The following OVGP1 variants were observed in gnomAD, a reference collection of about 807,000 sequenced individuals.
OVGP1 encodes oviductal glycoprotein 1, also known as oviduct-specific glycoprotein.
A neutral mutation model predicts 48.2 loss-of-function variants in OVGP1; 26 were observed. That is an observed-to-expected ratio of 0.54 (90% CI 0.40 to 0.75). OVGP1 has a LOEUF of 0.75. Among genes scored for constraint, OVGP1 ranks in the 30% least tolerant of loss-of-function variants. The pLI, the probability that OVGP1 is intolerant of heterozygous loss-of-function variation, is 0.00. For synonymous variants in OVGP1, 294 were observed against 305.7 expected (o/e 0.96, Z 0.40); for missense variants, 791 against 820.6 (o/e 0.96, Z 0.44).
chr1:111,416,469 A>G lies in OVGP1; in HGVS notation c.1021-11T>C. The G allele has an allele frequency of 1.3e-6, 2 of 1,599,144 alleles. No individual in the cohort carries two copies. The highest frequency in any genetic ancestry group is 2.3e-5 in the South Asian group (2 of 87,294). The stretch of plus-strand genomic sequence containing the variant: ...CCTTATAAACCATGCCTGTAAAAGT[A>G]ACAGTCAGTCAACCTGCTGTACTTG... On this transcript the variant is annotated splice_polypyrimidine_tract_variant and intron_variant, in intron 9 of 10. Coordinates refer to ENST00000369732, the MANE Select transcript of OVGP1 (RefSeq NM_002557.4).
intron 3 of OVGP1, among the ~76,000 whole-genome samples, chr1:111,425,738 GT>G (rs1264179730): frequency 1.3e-5 from 2 of 152,184 alleles, no homozygotes; most frequent in Non-Finnish European, 2.9e-5. Flanking sequence ...AGTCTAAAAT[GT>G]TTCTCTTTTT....
chr1:111,419,222 TC>T (rs1652203740), intron 9 of OVGP1, among the ~76,000 whole-genome samples: 1 of 152,182 alleles, frequency 6.6e-6, no homozygotes, highest in African/African-American at 2.4e-5. Flanking sequence ...CAGGAAGCCC[TC>T]CCAGACTTCC....
rs1652212416 is a variant in OVGP1 at position 111,419,637 on chromosome 1, A to C, written c.993T>G (p.Tyr331Ter). ...TGTAACTGAAGCTGATGGCATTGTC[A>C]TAGCCAACCCACTCTTTCCCCTTGT... ...YANKGKEWVGYDNAISFSYKA... is the reference protein window; with the variant it reads ...YANKGKEWVG Residue 331 changes from tyrosine (Y) to a stop codon, truncating the protein, a stop_gained, in exon 9 of 11, where the codon TAT (tyrosine) becomes TAG (stop). Transcript: ENST00000369732. LOFTEE classifies it high-confidence loss of function. The C allele has an allele frequency of 6.2e-7, 1 of 1,610,714 alleles. No individual in the cohort carries two copies. Among genetic ancestry groups the C allele is most frequent in the Non-Finnish European group, 8.5e-7 (1 of 1,177,030 alleles).
chr1:111,424,855 T>C (rs3767604), intron 4 of OVGP1, among the ~76,000 whole-genome samples: 6,656 of 152,368 alleles, frequency 0.044, 262 homozygotes, highest in East Asian at 0.18. Context: ...TCAGAAAATA[T>C]GAAGGCAGTT....
In OVGP1 at chr1:111,422,403, ATT is replaced by A. The variant is rs567919017; in HGVS notation, c.608+522_608+523del. ...CTTCTGTAAATACTTGATTCTCAAA[ATT>A]CTAGAAAATATACCTAGAGATGACA... On this transcript the variant is annotated intron_variant, in intron 6 of 10. Transcript: ENST00000369732. Among the ~76,000 whole-genome samples the A allele has an allele frequency of 2.2e-4, 34 of 152,312 alleles. No homozygotes were observed. In the South Asian group the frequency reaches 6.8e-3, roughly 31 times the overall value.
chr1:111,414,433 G>A lies in OVGP1; in HGVS notation c.*31C>T, dbSNP rs377614329. 3.3e-5 allele frequency: 51 copies of A among 1,566,388 alleles called. No homozygotes were observed. Among genetic ancestry groups the A allele is most frequent in the Non-Finnish European group, 3.3e-5 (38 of 1,155,706 alleles). Reference sequence around the variant, plus strand: ...CATGTCACTTAGAAGAAAAGACAAGGGTTTTCCCTGGTTTCTGACACCAGA... The same window carrying A: ...CATGTCACTTAGAAGAAAAGACAAGAGTTTTCCCTGGTTTCTGACACCAGA... On this transcript the variant is annotated 3_prime_UTR_variant, in exon 11 of 11. Transcript: ENST00000369732.
At chr1:111,426,389 T>C (rs1427664052) in intron 3 of OVGP1, 48 bp downstream of exon 3, 2 of 1,612,588 alleles carry the variant, frequency 1.2e-6, no homozygotes, top group Non-Finnish European at 8.5e-7. Flanking sequence ...TGTTATCTTA[T>C]ACCTGTGAAA....
rs758501204 is a variant in OVGP1, at chr1:111,427,705, A to G, written c.17T>C (p.Leu6Pro). Reference protein sequence around the residue: MWKLLLWVGLVLVLKH... With the variant: MWKLLPWVGLVLVLKH... ...GGACCTGCCACACTCACCAACCCAC[A>G]GCAACAGCTTCCACATCTCAATGGT... The change falls in exon 1 of 11, where the codon CTG becomes CCG. Residue 6 changes from leucine to proline, a missense_variant. Leu to Pro is a moderately conservative substitution (Grantham distance 98). Coordinates refer to ENST00000369732, the MANE Select transcript of OVGP1 (RefSeq NM_002557.4). 5.0e-6 allele frequency: 8 copies of G among 1,613,110 alleles called. No individual in the cohort carries two copies. The highest frequency in any genetic ancestry group is 1.7e-6 in the Non-Finnish European group (2 of 1,179,896).
rs146132330 is a variant in OVGP1 at position 111,426,282 on chromosome 1, G to T, written c.260+155C>A. Among the ~76,000 whole-genome samples the T allele has an allele frequency of 2.2e-3, 333 of 152,300 alleles. 2 individuals carry two copies. The highest frequency in any genetic ancestry group is 4.4e-3 in the Admixed American group (68 of 15,298). On this transcript the variant is annotated intron_variant, in intron 3 of 10. Coordinates refer to ENST00000369732, the MANE Select transcript of OVGP1 (RefSeq NM_002557.4). Reference sequence around the variant, plus strand: ...AAAGAGCTCAAGGTGTCTGTGACAAGGAGTTCTCAAGTTGGGGGTGCTCTG... The same window carrying T: ...AAAGAGCTCAAGGTGTCTGTGACAATGAGTTCTCAAGTTGGGGGTGCTCTG...
At chr1:111,426,337 G>A in intron 3 of OVGP1, 100 bp downstream of exon 3, 1 of 1,541,620 alleles carries the variant, frequency 6.5e-7, no homozygotes, top group South Asian at 1.2e-5. Context: ...GGTAGGACTG[G>A]AAGAAATAGA....
intron 1 of OVGP1, 199 bp from the exon 2 acceptor site, chr1:111,427,290 C>G: frequency 1.0e-6 from 1 of 985,360 alleles, no homozygotes; most frequent in Non-Finnish European, 1.2e-6. Context: ...ATATAAGTTC[C>G]TTTTCTTTTT....
intron 9 of OVGP1, among the ~76,000 whole-genome samples, chr1:111,418,172 C>G (rs1652179687): frequency 6.6e-6 from 1 of 152,172 alleles, no homozygotes; most frequent in South Asian, 2.1e-4. Flanking sequence ...CATCCCCAAC[C>G]TGGCTTCATG....
intron 4 of OVGP1, among the ~76,000 whole-genome samples, chr1:111,423,995 G>A (rs1652338769): frequency 6.6e-6 from 1 of 152,238 alleles, no homozygotes; most frequent in Admixed American, 6.5e-5. Flanking sequence ...CATGCAGCCT[G>A]GGGTGTGGAG....
intron 9 of OVGP1, among the ~76,000 whole-genome samples, chr1:111,417,638 CAT>C (rs893862445): frequency 1.3e-5 from 2 of 152,092 alleles, no homozygotes; most frequent in African/African-American, 4.8e-5. Context: ...CACACACACA[CAT>C]GCACACACAC....
At chr1:111,422,559 G>A (rs923311423) in intron 6 of OVGP1, among the ~76,000 whole-genome samples, 1 of 152,158 alleles carries the variant, frequency 6.6e-6, no homozygotes, top group South Asian at 2.1e-4. Flanking sequence ...TAATTCATCT[G>A]TCTCTGATGC....
At chr1:111,422,709 T>C (rs542840965) in intron 6 of OVGP1, among the ~76,000 whole-genome samples, 25 of 152,242 alleles carry the variant, frequency 1.6e-4, no homozygotes, top group African/African-American at 5.5e-4. Flanking sequence ...TGGGCAGATA[T>C]TACATCACCT....
chr1:111,425,643 A>C, intron 3 of OVGP1: 1 of 973,084 alleles, frequency 1.0e-6, no homozygotes, highest in Non-Finnish European at 1.5e-6. Context: ...AATCAACCCA[A>C]GGGCCATCAC....
In OVGP1 at chr1:111,416,389, C is replaced by T; in HGVS notation, c.1090G>A (p.Gly364Ser). The T allele has an allele frequency of 6.2e-7, 1 of 1,609,312 alleles. No homozygotes were observed. The highest frequency in any genetic ancestry group is 8.5e-7 in the Non-Finnish European group (1 of 1,177,872). Residue 364 changes from glycine (G) to serine (S), a missense_variant, in exon 10 of 11, where the codon GGC becomes AGC. Transcript: ENST00000369732. ...VWTLDMDDVRGTFCGTGPFPL... is the reference protein window; with the variant it reads ...VWTLDMDDVRSTFCGTGPFPL... ...AAAGGGCCAGTGCCACAGAACGTGC[C>T]CCTGACGTCATCCATGTCCAATGTC...
Position 111,415,355 on chromosome 1 carries a change from T to C in OVGP1, c.1157-11A>G, listed in dbSNP as rs200218905. The C allele has an allele frequency of 4.6e-5, 74 of 1,595,356 alleles. No homozygotes were observed. The South Asian group carries it at 6.8e-4, about 15-fold the overall frequency. ...AAGTTGAACTGAACTCTAGAGAAAA[T>C]CAACAGAAAAGAATGAGATTCCTAC... On this transcript the variant is annotated splice_polypyrimidine_tract_variant and intron_variant, in intron 10 of 10. Transcript: ENST00000369732.
Sources: allele counts gnomAD v4.1 joint callset (sites outside exome capture counted in the v4.1 genomes callset), GRCh38; gene constraint gnomAD v4.1.1; transcripts MANE v1.5; gene names NCBI Gene and HGNC (gene_info 2026-07-23, HGNC 2026-07-21).